TRABD2A: variants seen among roughly 807,000 people sequenced by gnomAD.
TRABD2A encodes metalloprotease TIKI1.
In TRABD2A, 43 loss-of-function variants were observed where a neutral mutation model predicts 45.6. That is an observed-to-expected ratio of 0.94 (90% CI 0.74 to 1.22). The LOEUF (loss-of-function observed/expected upper bound fraction) is 1.22, where lower values mean the gene tolerates loss of function less well. Ranked by LOEUF, TRABD2A falls within the 50% of genes most tolerant of loss-of-function variation. TRABD2A has a pLI of 0.00. For missense variants in TRABD2A, 642 were observed against 652.4 expected (o/e 0.98, Z 0.17); for synonymous variants, 269 against 265.0 (o/e 1.02, Z -0.15).
intron 2 of TRABD2A, chr2:84,843,753 G>C (rs915469775): frequency 6.6e-6 from 1 of 152,108 alleles, no homozygotes; most frequent in Non-Finnish European, 1.5e-5. Flanking sequence ...ATCCCAAAAA[G>C]GTCCTTATAA....
chr2:84,878,186 G>A (rs1354232797), intron 1 of TRABD2A, among the ~76,000 whole-genome samples: 2 of 152,168 alleles, frequency 1.3e-5, no homozygotes. Flanking sequence ...GAGCAAGCCT[G>A]TGGATAAATG....
At chr2:84,877,048 G>C (rs1683046249) in intron 1 of TRABD2A, among the ~76,000 whole-genome samples, 1 of 152,096 alleles carries the variant, frequency 6.6e-6, no homozygotes, top group East Asian at 1.9e-4. Context: ...AATACCTACA[G>C]ATCTGTTCTG....
intron 2 of TRABD2A, among the ~76,000 whole-genome samples, chr2:84,843,143 C>T (rs1681768392): frequency 6.6e-6 from 1 of 151,864 alleles, no homozygotes; most frequent in Non-Finnish European, 1.5e-5. Context: ...TCTCACTTTC[C>T]CCAGGTACAG....
intron 4 of TRABD2A, 62 bp from the exon 5 acceptor site, chr2:84,832,207 AAC>A: frequency 6.5e-7 from 1 of 1,547,164 alleles, no homozygotes; most frequent in Non-Finnish European, 8.9e-7. Context: ...ATACTCCCCA[AAC>A]ACACACCCTA....
chr2:84,840,715 C>T (rs931605179), intron 3 of TRABD2A, among the ~76,000 whole-genome samples: 12 of 152,226 alleles, frequency 7.9e-5, no homozygotes, highest in Non-Finnish European at 1.5e-5. Context: ...CCTTCCCTAC[C>T]CTCAGCAAGA....
At chr2:84,866,205 G>A (rs74907030) in intron 2 of TRABD2A, among the ~76,000 whole-genome samples, 21,165 of 152,178 alleles carry the variant, frequency 0.14, 1,895 homozygotes, top group African/African-American at 0.26. Flanking sequence ...TGGGGACTGC[G>A]GCCAAACTGG....
At chr2:84,862,912 A>G (rs11683239) in intron 2 of TRABD2A, among the ~76,000 whole-genome samples, 25,208 of 150,574 alleles carry the variant, frequency 0.17, 2,428 homozygotes, top group African/African-American at 0.28. Flanking sequence ...CTGCTCAAAA[A>G]AATCAGAAAC....
rs33984190 is a variant in TRABD2A, at chr2:84,824,546, C to CT, written c.1083-343dup. On this transcript the variant is annotated intron_variant, in intron 5 of 6. Coordinates refer to ENST00000409520, the MANE Select transcript of TRABD2A (RefSeq NM_001277053.2). ...TCTAGAAAGACACTGACAATTATAG[C>CT]TTTTTTTTTTTTTTTTTTTTTTGAG... Among the ~76,000 whole-genome samples, 361 of 106,088 alleles carry CT rather than the reference C, an allele frequency of 3.4e-3. 4 individuals are homozygous for CT. The highest frequency in any genetic ancestry group is 7.1e-3 in the East Asian group (27 of 3,820). The allele number at this position is 106,088 out of a possible 152,430, so 69.6% of individuals were successfully genotyped here.
At chr2:84,865,272 A>T (rs1682640479) in intron 2 of TRABD2A, among the ~76,000 whole-genome samples, 1 of 152,250 alleles carries the variant, frequency 6.6e-6, no homozygotes, top group Non-Finnish European at 1.5e-5. Context: ...AAGAACAAGA[A>T]CTGGCAGTGA....
chr2:84,853,598 T>A (rs1031412105), intron 2 of TRABD2A, among the ~76,000 whole-genome samples: 6 of 152,124 alleles, frequency 3.9e-5, no homozygotes, highest in Non-Finnish European at 7.3e-5. Flanking sequence ...AGCCAAACCA[T>A]ATCAGGCAGA....
chr2:84,844,137 C>G (rs1681804687), intron 2 of TRABD2A, among the ~76,000 whole-genome samples: 1 of 152,154 alleles, frequency 6.6e-6, no homozygotes. Context: ...CAAGCCAGAG[C>G]AGGTAACAAA....
chr2:84,860,113 A>T (rs182830318), intron 2 of TRABD2A, among the ~76,000 whole-genome samples: 70 of 152,328 alleles, frequency 4.6e-4, no homozygotes, highest in African/African-American at 1.5e-3. Context: ...AACCTTCTAC[A>T]GAATGTTTTC....
chr2:84,844,569 G>A (rs75045995), intron 2 of TRABD2A, among the ~76,000 whole-genome samples: 12,782 of 152,186 alleles, frequency 0.084, 672 homozygotes, highest in Middle Eastern at 0.21. Context: ...GTGCTTGTCT[G>A]CAAACTGATC....
intron 1 of TRABD2A, among the ~76,000 whole-genome samples, chr2:84,875,466 G>T (rs556563754): frequency 6.6e-6 from 1 of 152,316 alleles, no homozygotes; most frequent in South Asian, 2.1e-4. Context: ...AAGCCATGCA[G>T]GGTCGGTGGG....
chr2:84,843,303 G>C (rs1339182512), intron 2 of TRABD2A, among the ~76,000 whole-genome samples: 2 of 152,102 alleles, frequency 1.3e-5, no homozygotes, highest in African/African-American at 4.8e-5. Context: ...GACTGACTAT[G>C]AGGTCTTTAG....
chr2:84,859,552 A>G (rs905894062), intron 2 of TRABD2A, among the ~76,000 whole-genome samples: 1 of 152,246 alleles, frequency 6.6e-6, no homozygotes, highest in Non-Finnish European at 1.5e-5. Flanking sequence ...CATTGGTGGT[A>G]TGGACAGCAG....
At chr2:84,847,799 T>C (rs962164823) in intron 2 of TRABD2A, among the ~76,000 whole-genome samples, 2 of 152,200 alleles carry the variant, frequency 1.3e-5, no homozygotes, top group African/African-American at 4.8e-5. Context: ...ACAACAGAAT[T>C]GTATTGCCTC....
In TRABD2A at chr2:84,824,091, A is replaced by G; in HGVS notation, c.1196T>C (p.Leu399Pro). 1 of 1,613,908 alleles carries G rather than the reference A, an allele frequency of 6.2e-7. No individual in the cohort carries two copies. The highest frequency in any genetic ancestry group is 8.5e-7 in the Non-Finnish European group (1 of 1,179,828). ...TCCAGGCCGGGACACAAGGGGAGGCAGCGTTGAGTGCCCTGAGGATACGGC... is the reference window on the plus strand; with the variant it reads ...TCCAGGCCGGGACACAAGGGGAGGCGGCGTTGAGTGCCCTGAGGATACGGC... ...PEAVSSGHST[L>P]PPLVSRPGSA... is the part of the protein sequence containing the mutation. Residue 399 changes from leucine (L) to proline (P), a missense_variant, in exon 6 of 7, where the codon CTG (leucine) becomes CCG (proline). By Grantham distance (98) the Leu-to-Pro change is moderately conservative (BLOSUM62 -3). Coordinates refer to ENST00000409520, the MANE Select transcript of TRABD2A (RefSeq NM_001277053.2).
At chr2:84,856,508 A>G (rs1682311832) in intron 2 of TRABD2A, among the ~76,000 whole-genome samples, 2 of 152,122 alleles carry the variant, frequency 1.3e-5, no homozygotes, top group African/African-American at 4.8e-5. Context: ...AGCGCTTCTC[A>G]AAACTTGAAC....
Sources: gnomAD v4.1 joint callset for allele counts (sites outside exome capture counted in the v4.1 genomes callset) on GRCh38, gnomAD v4.1.1 for gene constraint, MANE v1.5 for transcripts, NCBI Gene and HGNC (gene_info 2026-07-23, HGNC 2026-07-21) for gene names.